Variants in EPHA6 observed in about 807,000 individuals in gnomAD.
The protein encoded by EPHA6 is EPH receptor A6.
EPHA6 carries 50 observed loss-of-function variants against 112.0 expected under a neutral mutation model. The ratio of observed to expected loss-of-function variants is 0.45; its 90% CI spans 0.36 to 0.56. EPHA6 has a LOEUF of 0.56. Ranked by LOEUF, EPHA6 falls within the 20% of genes least tolerant of loss-of-function variation. EPHA6 has a pLI of 0.00. For missense variants in EPHA6, 1,280 were observed against 1,417.4 expected, an observed-to-expected ratio of 0.90 and a Z score of 1.56; for synonymous variants, 529 against 490.7, an observed-to-expected ratio of 1.08 and a Z score of -1.03.
chr3:96,914,901 G>A (rs529347789), intron 2 of EPHA6, among the ~76,000 whole-genome samples: 20 of 151,884 alleles, frequency 1.3e-4, no homozygotes, highest in Non-Finnish European at 2.5e-4. Flanking sequence ...TTAGCAAAAT[G>A]ACATTCAGAT....
intron 5 of EPHA6, among the ~76,000 whole-genome samples, chr3:97,292,694 G>A (rs780983725): frequency 4.7e-5 from 7 of 150,482 alleles, no homozygotes; most frequent in Non-Finnish European, 8.9e-5. Flanking sequence ...CAGCTCTCAG[G>A]GGAGAGGAGA....
chr3:97,743,800 T>C (rs2035604108), intron 16 of EPHA6, among the ~76,000 whole-genome samples: 1 of 152,036 alleles, frequency 6.6e-6, no homozygotes, highest in Admixed American at 6.6e-5. Context: ...AAATATAACC[T>C]TTCTTGAATC....
At chr3:97,060,300 T>G (rs945709077) in intron 3 of EPHA6, among the ~76,000 whole-genome samples, 3 of 152,166 alleles carry the variant, frequency 2.0e-5, no homozygotes, top group Non-Finnish European at 4.4e-5. Context: ...GAGAGTAACA[T>G]TTGAATTAAT....
At chr3:96,880,915 C>T (rs951378984) in intron 2 of EPHA6, among the ~76,000 whole-genome samples, 3 of 151,924 alleles carry the variant, frequency 2.0e-5, no homozygotes, top group African/African-American at 7.3e-5. Flanking sequence ...TTCGTTTATC[C>T]ATTTATATAT....
At chr3:97,379,926 G>A (rs1441440836) in intron 5 of EPHA6, among the ~76,000 whole-genome samples, 4 of 151,946 alleles carry the variant, frequency 2.6e-5, no homozygotes, top group Non-Finnish European at 5.9e-5. Context: ...GCCATAAGAG[G>A]AAATAACACA....
intron 3 of EPHA6, among the ~76,000 whole-genome samples, chr3:97,111,336 A>AT (rs913182484): frequency 3.3e-5 from 5 of 151,794 alleles, no homozygotes; most frequent in East Asian, 1.9e-4. Flanking sequence ...TATTGTGTGA[A>AT]TTTTTTTTGC....
At position 97,751,167 on chromosome 3, in the gene EPHA6, G is replaced by C. The variant is rs144558577; in HGVS notation, c.*2466G>C. Among the ~76,000 whole-genome samples, 628 of 152,218 alleles carry C rather than the reference G, an allele frequency of 4.1e-3. 7 individuals carry two copies. The highest frequency in any genetic ancestry group is 0.015 in the African/African-American group (606 of 41,558). Reference sequence around the variant, plus strand: ...CCACAGGACTCTGTCGGCACCATCTGTGTACCTTGAAATAAATTCTATTAA... The same window carrying C: ...CCACAGGACTCTGTCGGCACCATCTCTGTACCTTGAAATAAATTCTATTAA... On this transcript the variant is annotated 3_prime_UTR_variant, in exon 18 of 18. Coordinates refer to ENST00000389672, the MANE Select transcript of EPHA6 (RefSeq NM_001080448.3).
chr3:97,739,052 C>A (rs946934171), intron 16 of EPHA6, among the ~76,000 whole-genome samples: 4 of 152,106 alleles, frequency 2.6e-5, no homozygotes, highest in South Asian at 2.1e-4. Flanking sequence ...TAAAAGATAG[C>A]AATATTACCT....
intron 3 of EPHA6, among the ~76,000 whole-genome samples, chr3:97,186,506 C>G (rs2077141655): frequency 6.6e-6 from 1 of 152,094 alleles, no homozygotes; most frequent in Admixed American, 6.6e-5. Flanking sequence ...CTTGGGAAAG[C>G]CATGCCTTTA....
intron 3 of EPHA6, among the ~76,000 whole-genome samples, chr3:97,076,813 G>A (rs995067519): frequency 1.3e-5 from 2 of 152,062 alleles, no homozygotes; most frequent in African/African-American, 4.8e-5. Flanking sequence ...TAAGAATTAT[G>A]GTAAATCTAC....
chr3:97,330,567 T>C (rs2082737990), intron 5 of EPHA6, among the ~76,000 whole-genome samples: 1 of 151,988 alleles, frequency 6.6e-6, no homozygotes, highest in African/African-American at 2.4e-5. Flanking sequence ...GGCATTTAAT[T>C]CTCTTTGAAG....
At chr3:97,657,068 G>T (rs547445533) in intron 14 of EPHA6, among the ~76,000 whole-genome samples, 1 of 151,794 alleles carries the variant, frequency 6.6e-6, no homozygotes, top group African/African-American at 2.4e-5. Flanking sequence ...ATTTAGGCCT[G>T]GTCCTTAATT....
chr3:97,421,920 A>T (rs959228348), intron 6 of EPHA6, among the ~76,000 whole-genome samples: 2 of 152,076 alleles, frequency 1.3e-5, no homozygotes, highest in Non-Finnish European at 1.5e-5. Flanking sequence ...GGTAGAAAAA[A>T]AAAGAAACTA....
chr3:96,829,938 T>TGCAC (rs1553713346), intron 1 of EPHA6, among the ~76,000 whole-genome samples: 4 of 120,222 alleles, frequency 3.3e-5, no homozygotes, highest in South Asian at 6.1e-4. Flanking sequence ...CACGTGCATG[T>TGCAC]GCGCGCGCGC....
intron 5 of EPHA6, among the ~76,000 whole-genome samples, chr3:97,267,235 C>T (rs958433699): frequency 1.3e-5 from 2 of 151,882 alleles, no homozygotes; most frequent in Admixed American, 1.3e-4. Flanking sequence ...TCTTATTTCT[C>T]TTATTATTTT....
intron 9 of EPHA6, chr3:97,481,480 G>A: frequency 8.3e-7 from 1 of 1,205,462 alleles, no homozygotes; most frequent in African/African-American, 1.5e-5. Context: ...CAATAAGGAA[G>A]GCACAAACCA....
chr3:97,319,518 A>T (rs921441771), intron 5 of EPHA6, among the ~76,000 whole-genome samples: 2 of 151,574 alleles, frequency 1.3e-5, no homozygotes, highest in Non-Finnish European at 1.5e-5. Flanking sequence ...AAATGCAAAA[A>T]AATTAGCCAG....
At chr3:96,933,723 A>G (rs1347170216) in intron 2 of EPHA6, among the ~76,000 whole-genome samples, 1 of 152,152 alleles carries the variant, frequency 6.6e-6, no homozygotes. Flanking sequence ...AATTTTAAGG[A>G]CACAGAGTAA....
At chr3:97,221,875 C>T (rs1246347115) in intron 3 of EPHA6, among the ~76,000 whole-genome samples, 1 of 151,880 alleles carries the variant, frequency 6.6e-6, no homozygotes, top group Non-Finnish European at 1.5e-5. Flanking sequence ...TACTGAAATA[C>T]AAAAATTAGG....
Sources: allele counts gnomAD v4.1 joint callset (sites outside exome capture counted in the v4.1 genomes callset), GRCh38; gene constraint gnomAD v4.1.1; transcripts MANE v1.5; gene names NCBI Gene and HGNC (gene_info 2026-07-23, HGNC 2026-07-21).